ADAMTSL3: variants seen among roughly 807,000 people sequenced by gnomAD.
ADAMTSL3 encodes ADAMTS-like protein 3.
In ADAMTSL3, 128 loss-of-function variants were observed where a neutral mutation model predicts 201.7. The observed-to-expected ratio is 0.63, with a 90% CI of 0.55 to 0.73. ADAMTSL3 has a LOEUF of 0.73. Ranked by LOEUF, ADAMTSL3 falls within the 30% of genes least tolerant of loss-of-function variation. ADAMTSL3 has a pLI of 0.00. For synonymous variants in ADAMTSL3, 738 were observed against 748.4 expected (o/e 0.99, Z 0.23); for missense variants, 1,990 against 2,119.6 (o/e 0.94, Z 1.20).
At chr15:83,666,424 TTACCTTGCAATA>T (rs1309041588) in intron 2 of ADAMTSL3, among the ~76,000 whole-genome samples, 38 of 152,240 alleles carry the variant, frequency 2.5e-4, no homozygotes, top group African/African-American at 9.2e-4. Context: ...ATGTCTATGC[TTACCTTGCAATA>T]GTTGCCACTA....
At chr15:83,862,572 G>C (rs2064887238) in intron 8 of ADAMTSL3, 1 of 152,208 alleles carries the variant, frequency 6.6e-6, no homozygotes, top group South Asian at 2.1e-4. Context: ...CAAATGCTGA[G>C]AGATTTTGTC....
At chr15:84,019,033 A>C (rs1181014506) in intron 25 of ADAMTSL3, among the ~76,000 whole-genome samples, 1 of 150,686 alleles carries the variant, frequency 6.6e-6, no homozygotes, top group African/African-American at 2.5e-5. Flanking sequence ...ATATATAAAG[A>C]ACTCCCACAA....
At chr15:83,961,156 C>G (rs1272860802) in intron 19 of ADAMTSL3, among the ~76,000 whole-genome samples, 1 of 151,436 alleles carries the variant, frequency 6.6e-6, no homozygotes. Context: ...ATGGCAGATA[C>G]AAAAATAGCA....
At chr15:83,717,816 G>A (rs886959993) in intron 3 of ADAMTSL3, among the ~76,000 whole-genome samples, 1 of 152,138 alleles carries the variant, frequency 6.6e-6, no homozygotes, top group African/African-American at 2.4e-5. Flanking sequence ...GTATATCCAA[G>A]GATAAAAGAA....
At chr15:83,960,687 G>C (rs1402910484) in intron 19 of ADAMTSL3, among the ~76,000 whole-genome samples, 1 of 152,134 alleles carries the variant, frequency 6.6e-6, no homozygotes, top group East Asian at 1.9e-4. Flanking sequence ...TATTTAAGAG[G>C]CTCTTTTATT....
At chr15:84,003,067 C>G (rs1425398057) in intron 23 of ADAMTSL3, among the ~76,000 whole-genome samples, 1 of 151,120 alleles carries the variant, frequency 6.6e-6, no homozygotes, top group African/African-American at 2.4e-5. Flanking sequence ...AGGCGATCCT[C>G]CTGCCTTAGC....
At chr15:83,843,206 G>C (rs1207666673) in intron 7 of ADAMTSL3, among the ~76,000 whole-genome samples, 4 of 151,816 alleles carry the variant, frequency 2.6e-5, no homozygotes, top group African/African-American at 9.7e-5. Flanking sequence ...CCTGATGCCT[G>C]TTTAGGACAT....
intron 3 of ADAMTSL3, among the ~76,000 whole-genome samples, chr15:83,760,229 G>T (rs1273228276): frequency 1.3e-5 from 2 of 151,820 alleles, no homozygotes; most frequent in African/African-American, 4.8e-5. Flanking sequence ...CTCACGTTTT[G>T]GTATGTAATA....
Position 83,926,114 on chromosome 15 carries a change from G to T in ADAMTSL3, c.2117+2081G>T, listed in dbSNP as rs74642519. Among the ~76,000 whole-genome samples the T allele has an allele frequency of 1.7e-4, 26 of 152,328 alleles. No homozygotes were observed. In the South Asian group the frequency reaches 5.4e-3, roughly 32 times the overall value. On this transcript the variant is annotated intron_variant, in intron 17 of 29. Transcript: ENST00000286744. ...AATAAATTGGTGGGGCAGGGAAGCC[G>T]GGGAGGTTGGTGCAGGTCATTCCTG...
rs746557737 is a variant in ADAMTSL3, at chr15:84,036,833, T to C, written c.4815T>C (p.Pro1605=). ...GACDVCWHTG[P]WKPCTAACGR... is the part of the protein sequence containing the mutation. ...GTGATGTGTGTTGGCACACAGGCCCTTGGAAGCCCTGTACAGCAGCCTGTG... is the reference window on the plus strand; with the variant it reads ...GTGATGTGTGTTGGCACACAGGCCCCTGGAAGCCCTGTACAGCAGCCTGTG... Residue 1605 remains proline (P), a synonymous_variant, in exon 29 of 30, where the codon CCT becomes CCC. Coordinates refer to ENST00000286744, the MANE Select transcript of ADAMTSL3 (RefSeq NM_207517.3). The C allele has an allele frequency of 1.2e-6, 2 of 1,614,070 alleles. No individual in the cohort carries two copies. Among genetic ancestry groups the C allele is most frequent in the Non-Finnish European group, 1.7e-6 (2 of 1,179,984 alleles).
rs894586191 is a variant in ADAMTSL3, at chr15:83,849,843, C to T, written c.728-8923C>T. The stretch of plus-strand genomic sequence containing the variant: ...ACAAATAGTTTGAAGAATTTGTGAA[C>T]CAAATGCCATTACATCAAAATATGT... On this transcript the variant is annotated intron_variant, in intron 7 of 29. Coordinates refer to ENST00000286744, the MANE Select transcript of ADAMTSL3 (RefSeq NM_207517.3). Among the ~76,000 whole-genome samples the T allele has an allele frequency of 5.9e-5, 9 of 152,194 alleles. 1 individual carries two copies. The South Asian group carries it at 8.3e-4, about 14-fold the overall frequency.
chr15:83,714,791 T>TTTTCTC (rs2061982505), intron 3 of ADAMTSL3, among the ~76,000 whole-genome samples: 8 of 78,888 alleles, frequency 1.0e-4, no homozygotes, highest in South Asian at 4.1e-4. Flanking sequence ...TTCTTTTTCT[T>TTTTCTC]TCTCTCTCTT....
rs761406073 is a variant in ADAMTSL3 at position 83,942,711 on chromosome 15, GATGAAAA to G, written c.2234_2240del (p.Asp745GlyfsTer44). 6 of 1,613,996 alleles carry G rather than the reference GATGAAAA, an allele frequency of 3.7e-6. No homozygotes were observed. Among genetic ancestry groups the G allele is most frequent in the Non-Finnish European group, 5.1e-6 (6 of 1,179,980 alleles). ...CCCTGCCCCTCCTGAGGAGTGCCGA[GATGAAAA>G]GCCCCATGCTTTACAAGCATGCAAT... On this transcript the variant is annotated frameshift_variant, in exon 18 of 30. Transcript: ENST00000286744. LOFTEE classifies it high-confidence loss of function.
chr15:83,709,417 C>T (rs2061901544), intron 3 of ADAMTSL3, among the ~76,000 whole-genome samples: 1 of 152,180 alleles, frequency 6.6e-6, no homozygotes. Context: ...GCCAGCCTGT[C>T]TCTGGGGTAG....
At chr15:83,772,068 G>T (rs1277276618) in intron 3 of ADAMTSL3, among the ~76,000 whole-genome samples, 1 of 152,006 alleles carries the variant, frequency 6.6e-6, no homozygotes, top group Admixed American at 6.6e-5. Flanking sequence ...TGCCCAGGCT[G>T]GTCTTGAACT....
intron 20 of ADAMTSL3, among the ~76,000 whole-genome samples, chr15:83,975,896 C>T (rs1265968947): frequency 3.3e-5 from 5 of 152,104 alleles, no homozygotes; most frequent in Non-Finnish European, 5.9e-5. Flanking sequence ...GTGACTTGGT[C>T]AGGTTTTATT....
intron 6 of ADAMTSL3, 46 bp downstream of exon 6, chr15:83,820,093 G>C (rs758344999): frequency 1.4e-5 from 21 of 1,489,246 alleles, no homozygotes; most frequent in Non-Finnish European, 2.0e-5. Context: ...GATGTGCCAC[G>C]CCTACTGTCA....
Position 83,838,211 on chromosome 15 carries a change from A to G in ADAMTSL3, c.723A>G (p.Glu241=). The change falls in exon 7 of 30, where the codon GAA becomes GAG. Residue 241 remains glutamate (E), a synonymous_variant. Coordinates refer to ENST00000286744, the MANE Select transcript of ADAMTSL3 (RefSeq NM_207517.3). ...RGQSKSHVSP[E]KREENVIAVP... ...AATCAAAGTCACACGTTTCTCCTGA[A>G]AAAAGTAGGTTTTAAACCCAATACG... 2 of 1,612,492 alleles carry G rather than the reference A, an allele frequency of 1.2e-6. No homozygotes were observed. Among genetic ancestry groups the G allele is most frequent in the Non-Finnish European group, 1.7e-6 (2 of 1,179,306 alleles).
intron 4 of ADAMTSL3, among the ~76,000 whole-genome samples, chr15:83,781,342 A>C (rs1167948760): frequency 6.6e-6 from 1 of 152,138 alleles, no homozygotes; most frequent in Non-Finnish European, 1.5e-5. Context: ...CAAACCTGAC[A>C]AAAAAACAAG....
Sources: allele counts gnomAD v4.1 joint callset (sites outside exome capture counted in the v4.1 genomes callset), GRCh38; gene constraint gnomAD v4.1.1; transcripts MANE v1.5; gene names NCBI Gene and HGNC (gene_info 2026-07-23, HGNC 2026-07-21).